RELN: variants seen among roughly 807,000 people sequenced by gnomAD.
The protein encoded by RELN is reelin.
RELN carries 108 observed loss-of-function variants against 427.6 expected under a neutral mutation model. The observed-to-expected ratio is 0.25, with a 90% confidence interval of 0.22 to 0.30. RELN has a LOEUF of 0.30. RELN is among the 10% of genes least tolerant of loss of function. The pLI is 1.00. For missense variants in RELN, 3,715 were observed against 4,302.8 expected, an observed-to-expected ratio of 0.86 and a Z score of 3.82; for synonymous variants, 1,524 against 1,513.4, an observed-to-expected ratio of 1.01 and a Z score of -0.16.
rs112519120 is a variant in RELN at position 103,951,219 on chromosome 7, C to G, written c.227-34034G>C. On this transcript the variant is annotated intron_variant, in intron 1 of 64. Coordinates refer to ENST00000428762, the MANE Select transcript of RELN (RefSeq NM_005045.4). ...AATCTGACACCACTTGCACCAACTG[C>G]TTTATCAGTTTTCCAACTGCTAATA... Among the ~76,000 whole-genome samples, 1,029 of 152,306 alleles carry G rather than the reference C, an allele frequency of 6.8e-3. 11 individuals carry two copies. The highest frequency in any genetic ancestry group is 0.024 in the African/African-American group (995 of 41,564).
intron 20 of RELN, among the ~76,000 whole-genome samples, chr7:103,628,818 G>C (rs1026619867): frequency 6.6e-6 from 1 of 152,192 alleles, no homozygotes; most frequent in African/African-American, 2.4e-5. Flanking sequence ...AACCTAGAGA[G>C]GGGCAGTATA....
In RELN at chr7:103,563,073, A is replaced by G. The variant is rs979999489; in HGVS notation, c.5211-1120T>C. On this transcript the variant is annotated intron_variant, in intron 34 of 64. Coordinates refer to ENST00000428762, the MANE Select transcript of RELN (RefSeq NM_005045.4). The surrounding 1 kb of genome is among the most constrained non-coding windows in gnomAD (Gnocchi z 4.1). ...CCTACTCAGAGTCAGCTGAGACATC[A>G]ACTCCTTCAGAAAGCTCCCTCCAGT... 6.6e-6 allele frequency among the ~76,000 whole-genome samples: 1 copy of G among 152,146 alleles called. No homozygotes were observed. The highest frequency in any genetic ancestry group is 1.5e-5 in the Non-Finnish European group (1 of 68,026).
chr7:103,636,136 T>C (rs1018765169), intron 18 of RELN, 99 bp downstream of exon 18: 18 of 852,854 alleles, frequency 2.1e-5, no homozygotes, highest in Middle Eastern at 2.3e-4. Context: ...AAAAATGAGA[T>C]GTCTATCAGA....
chr7:103,527,856 T>A (rs1208374565), intron 46 of RELN, among the ~76,000 whole-genome samples: 1 of 152,166 alleles, frequency 6.6e-6, no homozygotes, highest in Non-Finnish European at 1.5e-5. Flanking sequence ...TAGGGAAATG[T>A]CAATGAGAAC....
chr7:103,664,831 C>T (rs1833222837), intron 11 of RELN, among the ~76,000 whole-genome samples: 2 of 152,044 alleles, frequency 1.3e-5, no homozygotes, highest in Admixed American at 1.3e-4. Context: ...CTTTCTCTCA[C>T]TTTCTTATGA....
intron 44 of RELN, 137 bp downstream of exon 44, chr7:103,540,060 G>A: frequency 1.2e-6 from 1 of 860,936 alleles, no homozygotes; most frequent in Non-Finnish European, 1.9e-6. Context: ...TAATCTAGCT[G>A]CGTGCCCTTG....
At chr7:103,810,892 C>G (rs1039951877) in intron 3 of RELN, among the ~76,000 whole-genome samples, 2 of 152,150 alleles carry the variant, frequency 1.3e-5, no homozygotes, top group African/African-American at 4.8e-5. Context: ...AAGGAACTGA[C>G]TTTCCTTGCT....
At chr7:103,811,045 T>C (rs1285002420) in intron 3 of RELN, among the ~76,000 whole-genome samples, 1 of 152,242 alleles carries the variant, frequency 6.6e-6, no homozygotes, top group Non-Finnish European at 1.5e-5. Flanking sequence ...CTATTTTGAT[T>C]TGGCATTAAT....
At chr7:103,838,971 A>C (rs529182823) in intron 2 of RELN, among the ~76,000 whole-genome samples, 11 of 152,318 alleles carry the variant, frequency 7.2e-5, no homozygotes, top group African/African-American at 2.4e-4. Context: ...AAATACTGTT[A>C]CCCAGAGATT....
Position 103,682,263 on chromosome 7 carries a change from T to C in RELN, c.1144-2A>G. On this transcript the variant is annotated splice_acceptor_variant, in intron 10 of 64. Transcript: ENST00000428762. LOFTEE classifies it high-confidence loss of function. ...GTTCCCATCTGACTGACAGCTATGCTGTAGGTGAAAAGAGAGCACGGGGTG... is the reference window on the plus strand; with the variant it reads ...GTTCCCATCTGACTGACAGCTATGCCGTAGGTGAAAAGAGAGCACGGGGTG... The C allele has an allele frequency of 6.2e-7, 1 of 1,614,048 alleles. No individual in the cohort carries two copies. The highest frequency in any genetic ancestry group is 8.5e-7 in the Non-Finnish European group (1 of 1,179,918).
chr7:103,612,010 T>C (rs1831971245), intron 20 of RELN, among the ~76,000 whole-genome samples: 1 of 152,232 alleles, frequency 6.6e-6, no homozygotes, highest in Non-Finnish European at 1.5e-5. Flanking sequence ...AGTTAACATC[T>C]ACAGTTGTCA....
intron 24 of RELN, among the ~76,000 whole-genome samples, chr7:103,602,141 G>T (rs1831685050): frequency 6.6e-6 from 1 of 152,090 alleles, no homozygotes; most frequent in South Asian, 2.1e-4. Context: ...ATACAGAAGT[G>T]CTTCCTATAT....
chr7:103,731,916 C>T (rs754031924), intron 6 of RELN, among the ~76,000 whole-genome samples: 3 of 152,004 alleles, frequency 2.0e-5, no homozygotes, highest in Non-Finnish European at 4.4e-5. Context: ...TTATTAATTA[C>T]AATGTTTACA....
intron 11 of RELN, among the ~76,000 whole-genome samples, chr7:103,674,009 T>C (rs1293970024): frequency 6.6e-6 from 1 of 152,114 alleles, no homozygotes; most frequent in Admixed American, 6.6e-5. Context: ...TATTTGAATA[T>C]TGCATTCCAT....
At chr7:103,805,625 T>C (rs2116324362) in intron 3 of RELN, among the ~76,000 whole-genome samples, 1 of 152,332 alleles carries the variant, frequency 6.6e-6, no homozygotes, top group East Asian at 1.9e-4. Context: ...CTGAAGATTC[T>C]TCTCTTAGAC....
chr7:103,905,476 T>G (rs142079192), intron 2 of RELN, among the ~76,000 whole-genome samples: 9 of 152,284 alleles, frequency 5.9e-5, no homozygotes, highest in African/African-American at 2.2e-4. Flanking sequence ...TGGACAAATA[T>G]AGATTTAGAA....
intron 46 of RELN, among the ~76,000 whole-genome samples, chr7:103,524,382 A>C (rs902154918): frequency 1.5e-5 from 2 of 129,218 alleles, no homozygotes; most frequent in African/African-American, 7.7e-5. Flanking sequence ...CTTATTTTAC[A>C]TTGATATAAA....
At chr7:103,510,714 T>C (rs1829378788) in intron 51 of RELN, 137 bp downstream of exon 51, 2 of 708,458 alleles carry the variant, frequency 2.8e-6, no homozygotes, top group East Asian at 2.7e-5. Flanking sequence ...AGTTGAGTTG[T>C]ATATTAGTTT....
intron 1 of RELN, among the ~76,000 whole-genome samples, chr7:103,987,209 A>C (rs986978878): frequency 3.9e-5 from 6 of 152,212 alleles, no homozygotes; most frequent in Non-Finnish European, 8.8e-5. Flanking sequence ...TTGACCTTTC[A>C]TAACTTACAT....
Sources: gnomAD v4.1 joint callset for allele counts (sites outside exome capture counted in the v4.1 genomes callset) on GRCh38, gnomAD v4.1.1 for gene constraint, Gnocchi (gnomAD v3.1) non-coding constraint, MANE v1.5 for transcripts, NCBI Gene and HGNC (gene_info 2026-07-23, HGNC 2026-07-21) for gene names.